The following ACAT2 variants were observed in gnomAD, a reference collection of about 807,000 sequenced individuals.
The protein encoded by ACAT2 is acetyl-CoA acetyltransferase, cytosolic.
Under a neutral mutation model 37.1 loss-of-function variants are expected in ACAT2, and 26 were observed. The ratio of observed to expected loss-of-function variants is 0.70; its 90% CI spans 0.51 to 0.97. The LOEUF (loss-of-function observed/expected upper bound fraction) is 0.97. Among genes scored for constraint, ACAT2 ranks in the 50% least tolerant of loss-of-function variants. The pLI is 0.00. For synonymous variants in ACAT2, 156 were observed against 163.6 expected (o/e 0.95, Z 0.35); for missense variants, 468 against 489.0 (o/e 0.96, Z 0.40).
At chr6:159,762,350 C>T (rs1998366) in intron 1 of ACAT2, 672,037 of 1,251,252 alleles carry the variant, frequency 0.54, 188,114 homozygotes, top group Non-Finnish European at 0.58. Context: ...CCGATGTGCG[C>T]ACTCCGTCCC....
chr6:159,762,843 G>A, intron 1 of ACAT2, 76 bp from the exon 2 acceptor site: 3 of 1,597,830 alleles, frequency 1.9e-6, no homozygotes, highest in Non-Finnish European at 1.7e-6. Flanking sequence ...AGGGTCATGA[G>A]GCTCCCCTGC....
chr6:159,776,249 C>T lies in ACAT2; in HGVS notation c.734C>T (p.Thr245Ile). The part of the protein sequence containing the change: ...KPYFLTDGTG[T>I]VTPANASGIN... ...TACTTTCTTACTGATGGAACGGGAA[C>T]AGTCACCCCAGCCAATGCTTCAGGT... Residue 245 changes from threonine to isoleucine, a missense_variant, in exon 6 of 9, where the codon ACA becomes ATA. By Grantham distance (89) the Thr-to-Ile change is moderately conservative (BLOSUM62 -1). Transcript: ENST00000367048. The T allele has an allele frequency of 6.2e-7, 1 of 1,614,158 alleles. No individual in the cohort carries two copies. The highest frequency in any genetic ancestry group is 1.1e-5 in the South Asian group (1 of 91,080).
At chr6:159,768,967 A>G (rs892015621) in intron 4 of ACAT2, among the ~76,000 whole-genome samples, 3 of 152,212 alleles carry the variant, frequency 2.0e-5, no homozygotes, top group Non-Finnish European at 2.9e-5. Flanking sequence ...TTTTTGTACT[A>G]CACAATTGGG....
At chr6:159,775,922 C>T (rs935497941) in intron 5 of ACAT2, 1 of 430,650 alleles carries the variant, frequency 2.3e-6, no homozygotes, top group Non-Finnish European at 4.2e-6. Flanking sequence ...TCAGGAAGGC[C>T]TATGGATTTG....
In ACAT2 at chr6:159,777,313, GGT is replaced by G. The variant is rs1388262660; in HGVS notation, c.771_772del (p.Ala258CysfsTer12). ...TPANASGIND[G>X]AAAVVLMKKS... The stretch of plus-strand genomic sequence containing the variant: ...CTCATATTTTACAGGAATAAATGAT[GGT>G]GCTGCAGCTGTCGTTCTTATGAAGA... On this transcript the variant is annotated frameshift_variant, in exon 7 of 9. Coordinates refer to ENST00000367048, the MANE Select transcript of ACAT2 (RefSeq NM_005891.3). LOFTEE classifies it high-confidence loss of function. 6.2e-7 allele frequency: 1 copy of G among 1,611,754 alleles called. No homozygotes were observed. Among genetic ancestry groups the G allele is most frequent in the East Asian group, 2.2e-5 (1 of 44,896 alleles).
chr6:159,778,581 A>C, intron 8 of ACAT2, 78 bp from the exon 9 acceptor site: 1 of 1,490,570 alleles, frequency 6.7e-7, no homozygotes, highest in Non-Finnish European at 9.2e-7. Flanking sequence ...TGATACATTA[A>C]GAGGAAAAAG....
At chr6:159,771,839 A>G (rs1780341849) in intron 4 of ACAT2, among the ~76,000 whole-genome samples, 1 of 152,102 alleles carries the variant, frequency 6.6e-6, no homozygotes, top group Non-Finnish European at 1.5e-5. Flanking sequence ...AGCCTGGGCA[A>G]TGCTATCATA....
intron 1 of ACAT2, 131 bp from the exon 2 acceptor site, chr6:159,762,788 G>A (rs1386253046): frequency 1.3e-6 from 2 of 1,592,740 alleles, no homozygotes; most frequent in African/African-American, 2.7e-5. Context: ...GTGTAGGAAC[G>A]TGTGGGAGGA....
In ACAT2 at chr6:159,778,153, A is replaced by G. The variant is rs1780465862; in HGVS notation, c.913-17A>G. On this transcript the variant is annotated splice_polypyrimidine_tract_variant and intron_variant, in intron 7 of 8. Coordinates refer to ENST00000367048, the MANE Select transcript of ACAT2 (RefSeq NM_005891.3). ...CCACCCAAGTTTAGACCTCTTTTCT[A>G]TGAATCTTTCCTCTAGGTTACAAAA... 1.3e-6 allele frequency: 2 copies of G among 1,568,202 alleles called. No individual in the cohort carries two copies. Among genetic ancestry groups the G allele is most frequent in the Non-Finnish European group, 1.7e-6 (2 of 1,143,690 alleles).
intron 4 of ACAT2, among the ~76,000 whole-genome samples, chr6:159,771,842 CT>C (rs1312768075): frequency 2.0e-5 from 3 of 151,980 alleles, no homozygotes; most frequent in Non-Finnish European, 4.4e-5. Flanking sequence ...CTGGGCAATG[CT>C]ATCATAGTCT....
At chr6:159,765,135 A>G (rs1340963492) in intron 2 of ACAT2, among the ~76,000 whole-genome samples, 3 of 151,962 alleles carry the variant, frequency 2.0e-5, no homozygotes, top group African/African-American at 7.3e-5. Context: ...TCTTTTTTTG[A>G]GATGGAGTCC....
chr6:159,762,910 C>G lies in ACAT2; in HGVS notation c.56-9C>G. ...TGTGATGTCCACGCTCTCCGCCTTT[C>G]TATTGTAGGTTCCTTCAATGGTGCC... On this transcript the variant is annotated splice_polypyrimidine_tract_variant and intron_variant, in intron 1 of 8. Transcript: ENST00000367048. 1 of 1,609,816 alleles carries G rather than the reference C, an allele frequency of 6.2e-7. No individual in the cohort carries two copies. The highest frequency in any genetic ancestry group is 8.5e-7 in the Non-Finnish European group (1 of 1,177,964).
At chr6:159,768,320 A>C (rs1780285932) in intron 3 of ACAT2, among the ~76,000 whole-genome samples, 191 bp from the exon 4 acceptor site, 1 of 152,176 alleles carries the variant, frequency 6.6e-6, no homozygotes, top group South Asian at 2.1e-4. Flanking sequence ...GTTCCCAACA[A>C]TAGGAAAGAT....
At chr6:159,776,022 G>A (rs1780407358) in intron 5 of ACAT2, 128 bp from the exon 6 acceptor site, 2 of 987,072 alleles carry the variant, frequency 2.0e-6, no homozygotes, top group South Asian at 3.2e-5. Flanking sequence ...TGTCATCAAA[G>A]TGGTCACATA....
intron 4 of ACAT2, among the ~76,000 whole-genome samples, chr6:159,773,568 G>A (rs969004568): frequency 6.6e-6 from 1 of 152,214 alleles, no homozygotes; most frequent in African/African-American, 2.4e-5. Flanking sequence ...ATCAGAGTCA[G>A]TAATGATAGT....
At chr6:159,768,382 G>GCA (rs1466748379) in intron 3 of ACAT2, 129 bp from the exon 4 acceptor site, 1 of 705,050 alleles carries the variant, frequency 1.4e-6, no homozygotes, top group African/African-American at 1.8e-5. Flanking sequence ...TGAGGACCTA[G>GCA]AACTGGGGAG....
At chr6:159,763,150 A>C in intron 2 of ACAT2, 97 bp downstream of exon 2, 69 of 1,473,802 alleles carry the variant, frequency 4.7e-5, no homozygotes, top group Non-Finnish European at 5.6e-5. Context: ...ACACTCTCTC[A>C]CTCACTCAAG....
In ACAT2 at chr6:159,775,311, A is replaced by G. The variant is rs25683; in HGVS notation, c.632A>G (p.Lys211Arg). Residue 211 changes from lysine (K) to arginine (R), a missense_variant and splice_region_variant, in exon 5 of 9, where the codon AAA becomes AGA. Lys to Arg is a conservative substitution (Grantham distance 26, BLOSUM62 2). Coordinates refer to ENST00000367048, the MANE Select transcript of ACAT2 (RefSeq NM_005891.3). ...GTACCAGTTTTGGTGTCAACTAGAA[A>G]AGGTGAGTATATCATAGTGGTTTAA... Reference protein sequence around the residue: ...EIVPVLVSTRKGLIEVKTDEF... With the variant: ...EIVPVLVSTRRGLIEVKTDEF... The G allele has an allele frequency of 0.54, 876,430 of 1,613,274 alleles. 246,688 individuals are homozygous for G. Among genetic ancestry groups the G allele is most frequent in the Admixed American group, 0.61 (36,566 of 59,984 alleles).
In ACAT2 at chr6:159,767,062, T is replaced by C; in HGVS notation, c.248T>C (p.Val83Ala). 1 of 1,614,186 alleles carries C rather than the reference T, an allele frequency of 6.2e-7. No individual in the cohort carries two copies. The highest frequency in any genetic ancestry group is 8.5e-7 in the Non-Finnish European group (1 of 1,180,006). The change falls in exon 3 of 9, where the codon GTT (valine) becomes GCT (alanine). Residue 83 changes from valine to alanine, a missense_variant. Val to Ala is a moderately conservative substitution (Grantham distance 64). Transcript: ENST00000367048. ...GTGGGTGCAGGAATTCCCTACTCTG[T>C]TCCAGCATGGAGCTGCCAGATGATC... is the stretch of plus-strand genomic sequence containing the variant. ...ASVGAGIPYSVPAWSCQMICG... is the reference protein window; with the variant it reads ...ASVGAGIPYSAPAWSCQMICG...
Sources: gnomAD v4.1 joint callset for allele counts (sites outside exome capture counted in the v4.1 genomes callset) on GRCh38, gnomAD v4.1.1 for gene constraint, MANE v1.5 for transcripts, NCBI Gene and HGNC (gene_info 2026-07-23, HGNC 2026-07-21) for gene names.